KDM5C: variants seen among roughly 807,000 people sequenced by gnomAD.
KDM5C encodes lysine-specific demethylase 5C.
A neutral mutation model predicts 110.6 loss-of-function variants in KDM5C; 16 were observed. The ratio of observed to expected loss-of-function variants is 0.14; its 90% confidence interval spans 0.10 to 0.22. KDM5C has a LOEUF of 0.22. KDM5C is among the 10% of genes least tolerant of loss of function. The pLI is 1.00. For synonymous variants in KDM5C, 511 were observed against 520.4 expected (o/e 0.98, Z 0.24); for missense variants, 681 against 1,300.9 (o/e 0.52, Z 7.33).
At chrX:53,185,578 G>A (rs1392111865) in intron 25 of KDM5C, among the ~76,000 whole-genome samples, 1 of 111,934 alleles carries the variant, frequency 8.9e-6, no homozygotes, top group Non-Finnish European at 1.9e-5. Flanking sequence ...GCAGGTGAGG[G>A]TCATGGTGAG....
At chrX:53,210,959 G>A (rs1425467883) in intron 10 of KDM5C, 102 bp from the exon 11 acceptor site, 14 of 776,234 alleles carry the variant, frequency 1.8e-5, no homozygotes, top group African/African-American at 4.1e-5. Context: ...TTTGAGGTCA[G>A]AGACTTTTTT....
chrX:53,179,865 CAGTTTGGTAGGTTCTTACA>C (rs1933986839), intron 25 of KDM5C, among the ~76,000 whole-genome samples: 1 of 111,929 alleles, frequency 8.9e-6, no homozygotes, highest in African/African-American at 3.2e-5. Context: ...CTTTGGAAGA[CAGTTTGGTAGGTTCTTACA>C]AAACTAAACA....
chrX:53,204,643 T>C (rs2073264705), intron 12 of KDM5C, among the ~76,000 whole-genome samples: 1 of 111,096 alleles, frequency 9.0e-6, no homozygotes, highest in Non-Finnish European at 1.9e-5. Flanking sequence ...ACTACAGGCA[T>C]CCGCCACCAT....
chrX:53,202,275 T>C (rs1556842525), intron 12 of KDM5C: 2 of 271,515 alleles, frequency 7.4e-6, no homozygotes, highest in Non-Finnish European at 1.3e-5. Flanking sequence ...GACAAGCTTT[T>C]TTAGTTATTT....
intron 25 of KDM5C, 40 bp downstream of exon 25, chrX:53,193,396 CG>C (rs1934570348): frequency 1.7e-6 from 2 of 1,209,794 alleles, no homozygotes; most frequent in African/African-American, 1.7e-5. Flanking sequence ...GCTCCCTACT[CG>C]GCCTGACCTC....
chrX:53,198,406 TCA>T (rs1165035354), intron 17 of KDM5C, 82 bp downstream of exon 17: 18 of 1,081,535 alleles, frequency 1.7e-5, no homozygotes, highest in East Asian at 3.3e-5. Flanking sequence ...CAAATGGTAT[TCA>T]CAGTCTACCC....
At position 53,192,825 on chromosome X, in the gene KDM5C, A is replaced by T; in HGVS notation, c.*142T>A. ...ACCTTGGAGTCAGAATACAAAAGTC[A>T]AGGGACTCAGGGGTGGGCGGGTAGC... On this transcript the variant is annotated 3_prime_UTR_variant, in exon 26 of 26. Transcript: ENST00000375401. The T allele has an allele frequency of 8.9e-7, 1 of 1,126,271 alleles. No individual in the cohort carries two copies. The highest frequency in any genetic ancestry group is 1.2e-6 in the Non-Finnish European group (1 of 844,965). 92.8% of individuals were successfully genotyped at this position (1,126,271 alleles called of 1,213,427 possible). A position where few individuals can be genotyped will look rare whatever the true frequency, so the allele number is the denominator to read the frequency against.
intron 8 of KDM5C, 46 bp downstream of exon 8, chrX:53,214,643 A>C (rs2073688403): frequency 8.5e-7 from 1 of 1,176,069 alleles, no homozygotes; most frequent in African/African-American, 1.8e-5. Context: ...AGATGAAGGA[A>C]GGCAAGGAAG....
intron 17 of KDM5C, 61 bp downstream of exon 17, chrX:53,198,429 T>C: frequency 8.7e-7 from 1 of 1,153,281 alleles, no homozygotes; most frequent in Non-Finnish European, 1.2e-6. Flanking sequence ...CTTGCAGCAC[T>C]TTTCCTCGGT....
At chrX:53,215,710 T>C in intron 7 of KDM5C, 85 bp downstream of exon 7, 1 of 1,035,738 alleles carries the variant, frequency 9.7e-7, no homozygotes, top group African/African-American at 1.8e-5. Flanking sequence ...TTGTGGTTAA[T>C]GCGAACTGGT....
In KDM5C at chrX:53,192,524, G is replaced by A. The variant is rs1556831415; in HGVS notation, c.*443C>T. ...GTCAGGGGAAGGGAGAGGGAGAAGGGGGTAGGAAGGAAGGAAAAGAGGGGA... is the reference window on the plus strand; with the variant it reads ...GTCAGGGGAAGGGAGAGGGAGAAGGAGGTAGGAAGGAAGGAAAAGAGGGGA... On this transcript the variant is annotated 3_prime_UTR_variant, in exon 26 of 26. Transcript: ENST00000375401. 1 of 347,437 alleles carries A rather than the reference G, an allele frequency of 2.9e-6. No individual in the cohort carries two copies. The highest frequency in any genetic ancestry group is 4.4e-5 in the East Asian group (1 of 22,710). The allele number at this position is 347,437 out of a possible 1,213,427, so 28.6% of individuals were successfully genotyped here.
rs782693697 is a variant in KDM5C, at chrX:53,211,660, G to A, written c.1243-5C>T. On this transcript the variant is annotated splice_polypyrimidine_tract_variant and splice_region_variant and intron_variant, in intron 9 of 25. Transcript: ENST00000375401. ...CACAAGTTCTGTGGGCACCATCTGGGGGAAGACAGGTAGCAGATGACTATG... is the reference window on the plus strand; with the variant it reads ...CACAAGTTCTGTGGGCACCATCTGGAGGAAGACAGGTAGCAGATGACTATG... The A allele has an allele frequency of 2.5e-6, 3 of 1,211,298 alleles. No individual in the cohort carries two copies. Among genetic ancestry groups the A allele is most frequent in the Non-Finnish European group, 3.4e-6 (3 of 895,271 alleles).
At position 53,218,542 on chromosome X, in the gene KDM5C, T is replaced by C. The variant is rs782507894; in HGVS notation, c.229-144A>G. The C allele has an allele frequency of 7.5e-5, 52 of 692,727 alleles. 2 individuals carry two copies. The East Asian group carries it at 8.5e-4, about 11-fold the overall frequency. 57.1% of individuals were successfully genotyped at this position (692,727 alleles called of 1,213,427 possible). ...TCTCCCAATGAACCGGATCCCAGAC[T>C]CTAGGCAGTGCTTAGCCCCACCTCA... On this transcript the variant is annotated intron_variant, in intron 2 of 25. Transcript: ENST00000375401.
chrX:53,215,021 C>G, intron 7 of KDM5C, 174 bp from the exon 8 acceptor site: 1 of 520,826 alleles, frequency 1.9e-6, no homozygotes, highest in Admixed American at 2.7e-5. Context: ...ATCATCCAGT[C>G]TTGAATCCTC....
chrX:53,211,787 A>G lies in KDM5C; in HGVS notation c.1242T>C (p.His414=), dbSNP rs782285329. Residue 414 remains histidine (H), a splice_region_variant and synonymous_variant, in exon 9 of 26, where the codon CAT becomes CAC. Coordinates refer to ENST00000375401, the MANE Select transcript of KDM5C (RefSeq NM_004187.5). ...FKADYFNMPV[H]MVPTELVEKE... is the part of the protein sequence containing the mutation. ...ACTACCTCAGCCCTCCATCACCTAC[A>G]TGCACGGGCATGTTGAAGTAGTCAG... is the stretch of plus-strand genomic sequence containing the variant. 54 of 1,210,682 alleles carry G rather than the reference A, an allele frequency of 4.5e-5. No individual in the cohort carries two copies. The highest frequency in any genetic ancestry group is 6.0e-5 in the Non-Finnish European group (54 of 894,771).
At chrX:53,218,789 G>C (rs782197288) in intron 2 of KDM5C, 31 of 271,283 alleles carry the variant, frequency 1.1e-4, no homozygotes, top group South Asian at 9.6e-4. Flanking sequence ...TACCAGGCTG[G>C]TCTCAAACTC....
At chrX:53,208,356 G>T (rs1216789662) in intron 12 of KDM5C, among the ~76,000 whole-genome samples, 1 of 105,481 alleles carries the variant, frequency 9.5e-6, no homozygotes, top group Non-Finnish European at 1.9e-5. Context: ...TTAAAAAGCG[G>T]TAAGGACTAA....
downstream of KDM5C, among the ~76,000 whole-genome samples, chrX:53,190,748 C>G (rs1556829921): frequency 8.9e-6 from 1 of 111,838 alleles, no homozygotes; most frequent in African/African-American, 3.3e-5. Context: ...GACCTTCCCA[C>G]CAATCAAAGC....
At chrX:53,217,394 C>T (rs782052455) in intron 4 of KDM5C, 117 bp from the exon 5 acceptor site, 148 of 850,505 alleles carry the variant, frequency 1.7e-4, no homozygotes, top group Non-Finnish European at 1.4e-4. Flanking sequence ...CTGACCCACA[C>T]CAACAGCCCC....
Sources: allele counts gnomAD v4.1 joint callset (sites outside exome capture counted in the v4.1 genomes callset), GRCh38; gene constraint gnomAD v4.1.1; transcripts MANE v1.5; gene names NCBI Gene and HGNC (gene_info 2026-07-23, HGNC 2026-07-21).